ST3GAL2: variants seen among roughly 807,000 people sequenced by gnomAD.
ST3GAL2 encodes ST3 beta-galactoside alpha-2,3-sialyltransferase 2.
ST3GAL2 carries 16 observed loss-of-function variants against 37.5 expected under a neutral mutation model. The ratio of observed to expected loss-of-function variants is 0.43; its 90% CI spans 0.29 to 0.65. The LOEUF is 0.65. Among genes scored for constraint, ST3GAL2 ranks in the 30% least tolerant of loss-of-function variants. The pLI, the probability that ST3GAL2 is intolerant of heterozygous loss-of-function variation, is 0.17. For synonymous variants in ST3GAL2, 238 were observed against 202.9 expected (o/e 1.17, Z -1.47); for missense variants, 383 against 487.8 (o/e 0.79, Z 2.02).
chr16:70,429,379 G>C (rs2047772730), intron 1 of ST3GAL2, among the ~76,000 whole-genome samples: 1 of 152,038 alleles, frequency 6.6e-6, no homozygotes, highest in African/African-American at 2.4e-5. Context: ...AGATCACGAG[G>C]TCAGGAGATC....
rs1341499773 is a variant in ST3GAL2 at position 70,388,474 on chromosome 16, A to G, written c.606T>C (p.Pro202=). ...GSRTTHHFMY[P]ESAKNLPANV... ...TGGCGGGCAGGTTCTTGGCACTCTC[A>G]GGGTACATGAAATGGTGGGTGGTTC... The change falls in exon 4 of 7, where the codon CCT becomes CCC. Residue 202 remains proline (P), a synonymous_variant. Transcript: ENST00000342907. The G allele has an allele frequency of 1.2e-6, 2 of 1,614,068 alleles. No homozygotes were observed. Among genetic ancestry groups the G allele is most frequent in the Admixed American group, 1.7e-5 (1 of 59,990 alleles).
rs1447362549 is a variant in ST3GAL2, at chr16:70,381,656, A to G, written c.*33T>C. The G allele has an allele frequency of 6.2e-7, 1 of 1,605,934 alleles. No homozygotes were observed. The highest frequency in any genetic ancestry group is 8.5e-7 in the Non-Finnish European group (1 of 1,175,776). ...CCGGGCCGGAGCCCCGGTGCCCGAT[A>G]GATGGGCCGGAAGGGTCGCGGCGAG... On this transcript the variant is annotated 3_prime_UTR_variant, in exon 7 of 7. Transcript: ENST00000342907.
At chr16:70,406,364 C>T (rs1334853216) in intron 1 of ST3GAL2, among the ~76,000 whole-genome samples, 3 of 151,310 alleles carry the variant, frequency 2.0e-5, no homozygotes, top group Admixed American at 6.6e-5. Flanking sequence ...AAAAATTAGC[C>T]GGGGGGTGGT....
In ST3GAL2 at chr16:70,377,178, T is replaced by TAAAAAAAAAAAA. The variant is rs34454921; in HGVS notation, c.*4499_*4510dup. On this transcript the variant is annotated 3_prime_UTR_variant, in exon 7 of 7. Transcript: ENST00000342907. Reference sequence around the variant, plus strand: ...CTGGGCGACAGGAGACCCTGTCTCTTAAAAAAAAAAAAAAAAAAAAAAAAA... The same window carrying TAAAAAAAAAAAA: ...CTGGGCGACAGGAGACCCTGTCTCTTAAAAAAAAAAAAAAAAAAAAAAAAAAAAAAAAAAAAA... 1.2e-5 allele frequency: 1 copy of TAAAAAAAAAAAA among 85,494 alleles called. No individual in the cohort carries two copies. Among genetic ancestry groups the TAAAAAAAAAAAA allele is most frequent in the African/African-American group, 6.1e-5 (1 of 16,262 alleles). 5.3% of individuals were successfully genotyped at this position (85,494 alleles called of 1,614,324 possible).
chr16:70,409,297 G>A (rs918964975), intron 1 of ST3GAL2, among the ~76,000 whole-genome samples: 6 of 152,056 alleles, frequency 3.9e-5, no homozygotes, highest in Non-Finnish European at 8.8e-5. Context: ...AACCACCTGT[G>A]TGGGGAAGAC....
intron 1 of ST3GAL2, chr16:70,400,679 A>G (rs1418327753): frequency 6.6e-6 from 1 of 152,276 alleles, no homozygotes; most frequent in Non-Finnish European, 1.5e-5. Flanking sequence ...GATGTTCACA[A>G]AAGTACAAGA....
intron 4 of ST3GAL2, among the ~76,000 whole-genome samples, chr16:70,386,993 C>T (rs912305964): frequency 3.9e-5 from 6 of 152,114 alleles, no homozygotes; most frequent in Non-Finnish European, 5.9e-5. Flanking sequence ...TGGCTCATGC[C>T]GTATAATCCC....
chr16:70,421,348 G>A (rs986971900), intron 1 of ST3GAL2, among the ~76,000 whole-genome samples: 7 of 152,204 alleles, frequency 4.6e-5, no homozygotes, highest in Non-Finnish European at 8.8e-5. Flanking sequence ...CCTTATCCCC[G>A]GGGTGAGAAA....
intron 3 of ST3GAL2, among the ~76,000 whole-genome samples, chr16:70,391,731 G>A (rs187045103): frequency 1.3e-5 from 2 of 152,298 alleles, no homozygotes; most frequent in East Asian, 1.9e-4. Flanking sequence ...AGGCTGGCCG[G>A]GGCCTGGGCG....
chr16:70,412,341 A>G (rs55916527), intron 1 of ST3GAL2, among the ~76,000 whole-genome samples: 12,211 of 152,218 alleles, frequency 0.08, 1,636 homozygotes, highest in African/African-American at 0.28. Flanking sequence ...TACCTCCAGT[A>G]GTTTTTAACT....
At chr16:70,390,811 T>C (rs1382727956) in intron 3 of ST3GAL2, among the ~76,000 whole-genome samples, 3 of 152,246 alleles carry the variant, frequency 2.0e-5, no homozygotes, top group Admixed American at 1.3e-4. Context: ...CCCTTTTTAG[T>C]ATGCATCTTA....
At position 70,402,681 on chromosome 16, in the gene ST3GAL2, T is replaced by G. The variant is rs140284469; in HGVS notation, c.-1003-3148A>C. ...TTTTTTTTCTTTTGAGACGGAGTCT[T>G]GCTCTGTCACCAGGCTGGAGTGCAG... On this transcript the variant is annotated intron_variant, in intron 1 of 6. Transcript: ENST00000342907. Among the ~76,000 whole-genome samples the G allele has an allele frequency of 1.4e-4, 21 of 152,246 alleles. No individual in the cohort carries two copies. In the East Asian group the frequency reaches 4.1e-3, roughly 29 times the overall value.
intron 1 of ST3GAL2, among the ~76,000 whole-genome samples, chr16:70,411,994 C>CA (rs35917313): frequency 0.042 from 5,140 of 123,318 alleles, 244 homozygotes; most frequent in African/African-American, 0.13. Flanking sequence ...AACTCCGTCT[C>CA]AAAAAAAAAA....
chr16:70,405,121 C>T (rs139237965), intron 1 of ST3GAL2, among the ~76,000 whole-genome samples: 4 of 151,606 alleles, frequency 2.6e-5, no homozygotes, highest in Non-Finnish European at 5.9e-5. Flanking sequence ...AAAGTTCCAT[C>T]AACCAATACA....
intron 2 of ST3GAL2, among the ~76,000 whole-genome samples, chr16:70,397,216 C>A (rs550323276): frequency 1.3e-5 from 2 of 150,412 alleles, no homozygotes; most frequent in African/African-American, 4.9e-5. Flanking sequence ...AATTTTTTTT[C>A]ATTTTTAGTA....
intron 1 of ST3GAL2, among the ~76,000 whole-genome samples, chr16:70,408,908 A>AAAAAAAAAAAAAAAAG: frequency 8.7e-6 from 1 of 114,912 alleles, no homozygotes; most frequent in Non-Finnish European, 1.6e-5. Context: ...AAAAAAAAAA[A>AAAAAAAAAAAAAAAAG]AAAAAAAAAA....
intron 1 of ST3GAL2, among the ~76,000 whole-genome samples, chr16:70,436,980 C>T (rs2047829664): frequency 6.6e-6 from 1 of 152,168 alleles, no homozygotes; most frequent in African/African-American, 2.4e-5. Flanking sequence ...CTCCCCAAAT[C>T]CCCAATCCTG....
At chr16:70,435,900 C>T (rs964717485) in intron 1 of ST3GAL2, among the ~76,000 whole-genome samples, 6 of 151,386 alleles carry the variant, frequency 4.0e-5, no homozygotes, top group South Asian at 4.1e-4. Flanking sequence ...CTGAGGCGGG[C>T]GGAGCACCTG....
rs1284474002 is a variant in ST3GAL2 at position 70,378,655 on chromosome 16, T to G, written c.*3034A>C. The G allele has an allele frequency of 6.7e-6, 1 of 148,254 alleles. No individual in the cohort carries two copies. The highest frequency in any genetic ancestry group is 1.5e-5 in the Non-Finnish European group (1 of 67,586). 9.2% of individuals were successfully genotyped at this position (148,254 alleles called of 1,614,324 possible). On this transcript the variant is annotated 3_prime_UTR_variant, in exon 7 of 7. Coordinates refer to ENST00000342907, the MANE Select transcript of ST3GAL2 (RefSeq NM_006927.4). ...AGGCGGAGCTTGCAATGAGCCGAGA[T>G]CCCACCACTGCACTCCAGCCTGGGC...
Sources: gnomAD v4.1 joint callset for allele counts (sites outside exome capture counted in the v4.1 genomes callset) on GRCh38, gnomAD v4.1.1 for gene constraint, MANE v1.5 for transcripts, NCBI Gene and HGNC (gene_info 2026-07-23, HGNC 2026-07-21) for gene names.